The following GAS7 variants were observed in gnomAD, a reference collection of about 807,000 sequenced individuals.
GAS7 encodes the protein growth arrest-specific protein 7.
In GAS7, 28 loss-of-function variants were observed where a neutral mutation model predicts 71.1. The observed-to-expected ratio is 0.39, with a 90% CI of 0.29 to 0.54. GAS7 has a LOEUF of 0.54. GAS7 is among the 20% of genes least tolerant of loss of function. The pLI, the probability that GAS7 is intolerant of heterozygous loss-of-function variation, is 0.62. For missense variants in GAS7, 436 were observed against 627.8 expected, an observed-to-expected ratio of 0.69 and a Z score of 3.27; for synonymous variants, 258 against 245.8, an observed-to-expected ratio of 1.05 and a Z score of -0.46.
intron 1 of GAS7, among the ~76,000 whole-genome samples, chr17:10,028,684 A>T (rs1291636129): frequency 6.8e-6 from 1 of 146,778 alleles, no homozygotes; most frequent in Admixed American, 6.8e-5. Flanking sequence ...AGTTGGTTTG[A>T]AAAAAAAAAA....
intron 5 of GAS7, among the ~76,000 whole-genome samples, chr17:9,955,902 C>A (rs1357158331): frequency 2.6e-5 from 4 of 152,196 alleles, no homozygotes; most frequent in African/African-American, 9.6e-5. Flanking sequence ...CCATCGCTCC[C>A]CAGCTGCTGG....
Position 9,996,477 on chromosome 17 carries a change from C to T in GAS7, c.305-14593G>A, listed in dbSNP as rs143868776. Among the ~76,000 whole-genome samples, 1,396 of 149,744 alleles carry T rather than the reference C, an allele frequency of 9.3e-3. 20 individuals carry two copies. The highest frequency in any genetic ancestry group is 0.033 in the African/African-American group (1,321 of 40,592). The stretch of plus-strand genomic sequence containing the variant: ...AGGAGATATGCCTAATGTTAAATGA[C>T]GATTTAATGGGTGCAGCACACCAAC... On this transcript the variant is annotated intron_variant, in intron 2 of 13. Transcript: ENST00000432992.
intron 1 of GAS7, among the ~76,000 whole-genome samples, chr17:10,105,095 C>A (rs968342886): frequency 2.0e-5 from 3 of 152,214 alleles, no homozygotes; most frequent in Admixed American, 2.0e-4. Flanking sequence ...CTGTCCAATG[C>A]AGGAGACTCT....
In GAS7 at chr17:9,915,921, TC is replaced by T. The variant is rs1464960622; in HGVS notation, c.*1306del. The T allele has an allele frequency of 8.6e-6, 2 of 232,690 alleles. No individual in the cohort carries two copies. Among genetic ancestry groups the T allele is most frequent in the African/African-American group, 4.4e-5 (2 of 45,302 alleles). 14.4% of individuals were successfully genotyped at this position (232,690 alleles called of 1,614,324 possible). On this transcript the variant is annotated 3_prime_UTR_variant, in exon 14 of 14. Transcript: ENST00000432992. ...GGGCCAAACAGCAGCACTGAAAGCT[TC>T]CCAAGTCACACTCAGACCAGACTTT...
chr17:10,149,361 C>T (rs1319291104), intron 1 of GAS7, among the ~76,000 whole-genome samples: 1 of 152,144 alleles, frequency 6.6e-6, no homozygotes, highest in Non-Finnish European at 1.5e-5. Context: ...CCTTGGCCTC[C>T]CAAAGTGCTG....
intron 2 of GAS7, among the ~76,000 whole-genome samples, chr17:10,002,738 C>A (rs928025727): frequency 3.3e-5 from 5 of 152,262 alleles, no homozygotes; most frequent in South Asian, 2.1e-4. Context: ...AAGGACATGA[C>A]CTCATCCTTT....
intron 1 of GAS7, among the ~76,000 whole-genome samples, chr17:10,113,436 C>G (rs577811860): frequency 6.6e-6 from 1 of 152,156 alleles, no homozygotes; most frequent in Non-Finnish European, 1.5e-5. Flanking sequence ...TAGAAGCAAC[C>G]TTTATGCCCA....
chr17:10,125,067 TAA>T (rs34878954), intron 1 of GAS7, among the ~76,000 whole-genome samples: 27 of 138,058 alleles, frequency 2.0e-4, no homozygotes, highest in South Asian at 4.5e-4. Context: ...TTAATAGCAG[TAA>T]AAAAAAAAAA....
chr17:9,941,031 G>A (rs1214735244), intron 7 of GAS7, among the ~76,000 whole-genome samples: 1 of 152,188 alleles, frequency 6.6e-6, no homozygotes, highest in Admixed American at 6.5e-5. Flanking sequence ...AGAGATGCTG[G>A]GACCACAGCG....
intron 1 of GAS7, among the ~76,000 whole-genome samples, chr17:10,099,577 C>T (rs565969876): frequency 6.2e-4 from 94 of 152,022 alleles, no homozygotes; most frequent in Middle Eastern, 6.8e-3. Context: ...TTTTTTTGGA[C>T]GGCGGGGGAG....
At chr17:10,019,092 T>G (rs2072158406) in intron 2 of GAS7, among the ~76,000 whole-genome samples, 1 of 152,118 alleles carries the variant, frequency 6.6e-6, no homozygotes, top group Admixed American at 6.6e-5. Flanking sequence ...TCCCCTTTTA[T>G]AAACCATCCA....
chr17:9,935,530 T>G (rs2068370106), intron 8 of GAS7, among the ~76,000 whole-genome samples: 1 of 152,132 alleles, frequency 6.6e-6, no homozygotes. Flanking sequence ...GAGAATTCAT[T>G]AAAGTCGAGT....
At chr17:10,123,991 C>T (rs1350820849) in intron 1 of GAS7, among the ~76,000 whole-genome samples, 1 of 152,250 alleles carries the variant, frequency 6.6e-6, no homozygotes. Context: ...ATCTGGGAGC[C>T]CTTGCCAGGC....
intron 2 of GAS7, among the ~76,000 whole-genome samples, chr17:10,013,880 A>G (rs2071884475): frequency 6.6e-6 from 1 of 152,150 alleles, no homozygotes; most frequent in Non-Finnish European, 1.5e-5. Flanking sequence ...CCTGTGCTGC[A>G]AGGCCCCGGG....
intron 1 of GAS7, among the ~76,000 whole-genome samples, chr17:10,105,806 C>T (rs2073751112): frequency 1.3e-5 from 2 of 152,170 alleles, no homozygotes; most frequent in South Asian, 4.2e-4. Flanking sequence ...CCCACCTCTC[C>T]ACCCCAAAGT....
intron 1 of GAS7, among the ~76,000 whole-genome samples, chr17:10,063,230 C>T (rs2073239167): frequency 1.3e-5 from 2 of 152,234 alleles, no homozygotes. Flanking sequence ...CTACCTCCAT[C>T]AAAATAATAG....
intron 1 of GAS7, among the ~76,000 whole-genome samples, chr17:10,132,331 A>G (rs1197737240): frequency 6.6e-6 from 1 of 152,118 alleles, no homozygotes; most frequent in Admixed American, 6.5e-5. Context: ...TCTTCCTTTT[A>G]AACCTGGTCT....
At chr17:9,964,862 T>C (rs10491088) in intron 4 of GAS7, among the ~76,000 whole-genome samples, 32,221 of 152,172 alleles carry the variant, frequency 0.21, 3,640 homozygotes, top group Middle Eastern at 0.29. Context: ...TATTGAATTA[T>C]TGAGGTAGGT....
At chr17:10,095,752 G>C (rs1353126121) in intron 1 of GAS7, among the ~76,000 whole-genome samples, 1 of 148,980 alleles carries the variant, frequency 6.7e-6, no homozygotes, top group Non-Finnish European at 1.5e-5. Context: ...GCAGTGAGCT[G>C]AGATCATGCC....
Sources: gnomAD v4.1 joint callset for allele counts (sites outside exome capture counted in the v4.1 genomes callset) on GRCh38, gnomAD v4.1.1 for gene constraint, MANE v1.5 for transcripts, NCBI Gene and HGNC (gene_info 2026-07-23, HGNC 2026-07-21) for gene names.